GRHL2: variants seen among roughly 807,000 people sequenced by gnomAD.
GRHL2 encodes the protein grainyhead-like protein 2 homolog.
GRHL2 carries 21 observed loss-of-function variants against 83.8 expected under a neutral mutation model. The ratio of observed to expected loss-of-function variants is 0.25; its 90% CI spans 0.18 to 0.36. GRHL2 has a LOEUF of 0.36. Among genes scored for constraint, GRHL2 ranks in the 10% least tolerant of loss-of-function variants. The pLI is 1.00. For synonymous variants in GRHL2, 280 were observed against 278.9 expected, an observed-to-expected ratio of 1.00 and a Z score of -0.04; for missense variants, 623 against 781.8, an observed-to-expected ratio of 0.80 and a Z score of 2.42.
In GRHL2 at chr8:101,634,121, C is replaced by T. The variant is rs185955746; in HGVS notation, c.1485+1756C>T. On this transcript the variant is annotated intron_variant, in intron 11 of 15. Transcript: ENST00000646743. ...TTGGTTTCAGCATTTGCCAGGCAGT[C>T]CAATCAGCACCCCCCTGTATATCCT... is the stretch of plus-strand genomic sequence containing the variant. Among the ~76,000 whole-genome samples the T allele has an allele frequency of 7.9e-5, 12 of 152,262 alleles. No individual in the cohort carries two copies. The East Asian group carries it at 2.3e-3, about 29-fold the overall frequency.
chr8:101,674,626 G>A (rs1242933255), downstream of GRHL2, among the ~76,000 whole-genome samples: 2 of 152,072 alleles, frequency 1.3e-5, no homozygotes, highest in African/African-American at 4.8e-5. Context: ...TTCTACCAGA[G>A]GTAAAAGGAG....
At chr8:101,653,737 CA>C (rs35741171) in intron 14 of GRHL2, among the ~76,000 whole-genome samples, 2 of 113,742 alleles carry the variant, frequency 1.8e-5, no homozygotes, top group Non-Finnish European at 3.3e-5. Context: ...GACTCTGTCT[CA>C]AAAAAAAAAC....
At chr8:101,652,303 A>C in intron 14 of GRHL2, among the ~76,000 whole-genome samples, 1 of 145,504 alleles carries the variant, frequency 6.9e-6, no homozygotes, top group East Asian at 2.0e-4. Context: ...ACAAATGTAT[A>C]TTGGTAGTGT....
At chr8:101,568,613 C>G (rs1054919215) in intron 4 of GRHL2, among the ~76,000 whole-genome samples, 5 of 151,380 alleles carry the variant, frequency 3.3e-5, no homozygotes, top group African/African-American at 1.2e-4. Flanking sequence ...TGAATTTATT[C>G]CATCCCCTCA....
At chr8:101,549,030 A>G (rs1268495468) in intron 2 of GRHL2, among the ~76,000 whole-genome samples, 1 of 152,198 alleles carries the variant, frequency 6.6e-6, no homozygotes, top group Non-Finnish European at 1.5e-5. Flanking sequence ...CATTGAGGAC[A>G]TAACCATGTA....
chr8:101,496,496 A>G (rs1342611468), intron 1 of GRHL2, among the ~76,000 whole-genome samples: 1 of 152,138 alleles, frequency 6.6e-6, no homozygotes, highest in Non-Finnish European at 1.5e-5. Flanking sequence ...CTTGAATGCC[A>G]CTATATACTT....
intron 1 of GRHL2, among the ~76,000 whole-genome samples, chr8:101,517,972 A>C (rs1445437742): frequency 6.6e-6 from 1 of 152,128 alleles, no homozygotes. Flanking sequence ...CCACTACATC[A>C]CATGGCCAGC....
intron 14 of GRHL2, among the ~76,000 whole-genome samples, chr8:101,655,799 A>C (rs1225509972): frequency 6.6e-6 from 1 of 152,222 alleles, no homozygotes; most frequent in African/African-American, 2.4e-5. Flanking sequence ...AAGACAAGGA[A>C]TTTGGTGGTG....
rs904935636 is a variant in GRHL2 at position 101,668,505 on chromosome 8, CG to C, written c.*1806del. The C allele has an allele frequency of 6.5e-6, 1 of 152,806 alleles. No individual in the cohort carries two copies. Among genetic ancestry groups the C allele is most frequent in the African/African-American group, 2.4e-5 (1 of 41,436 alleles). 9.5% of individuals were successfully genotyped at this position (152,806 alleles called of 1,614,324 possible). A position where few individuals can be genotyped will look rare whatever the true frequency, so the allele number is the denominator to read the frequency against. ...CAAGAAGATCTCCGAGCAGCAGTGA[CG>C]GGGCACCTTGCTGTGTGTCCTCTGG... On this transcript the variant is annotated 3_prime_UTR_variant, in exon 16 of 16. Transcript: ENST00000646743.
intron 1 of GRHL2, among the ~76,000 whole-genome samples, chr8:101,542,520 T>G (rs1192257308): frequency 2.0e-5 from 3 of 148,858 alleles, no homozygotes; most frequent in African/African-American, 7.5e-5. Flanking sequence ...ACCATTGCAC[T>G]CCAGCCTGGA....
intron 6 of GRHL2, among the ~76,000 whole-genome samples, chr8:101,574,577 C>T (rs906744319): frequency 6.6e-6 from 1 of 152,238 alleles, no homozygotes; most frequent in African/African-American, 2.4e-5. Context: ...TCACAGCTCC[C>T]TCCTCCTACC....
downstream of GRHL2, among the ~76,000 whole-genome samples, chr8:101,672,233 G>T (rs997656078): frequency 6.6e-6 from 1 of 151,686 alleles, no homozygotes; most frequent in Non-Finnish European, 1.5e-5. Context: ...AGAGAAGAAG[G>T]CTTCAGACGA....
chr8:101,671,444 G>T (rs1814206960), downstream of GRHL2, among the ~76,000 whole-genome samples: 1 of 152,152 alleles, frequency 6.6e-6, no homozygotes, highest in Admixed American at 6.5e-5. Flanking sequence ...AAACTGCAAG[G>T]CGGCAGCGAT....
chr8:101,635,215 G>A (rs996688528), intron 11 of GRHL2, among the ~76,000 whole-genome samples: 1 of 152,128 alleles, frequency 6.6e-6, no homozygotes, highest in African/African-American at 2.4e-5. Context: ...AATTCCCCAA[G>A]TAAGTTCCAG....
intron 1 of GRHL2, among the ~76,000 whole-genome samples, chr8:101,523,093 C>T (rs567432584): frequency 5.1e-4 from 77 of 151,386 alleles, no homozygotes; most frequent in African/African-American, 1.7e-3. Context: ...TTTTATTTTT[C>T]GTAAAGATGG....
Position 101,633,770 on chromosome 8 carries a change from C to T in GRHL2, c.1485+1405C>T, listed in dbSNP as rs114461775. ...CCAAGACCATGGTGATGATTTGTGT[C>T]TGCACTGTCTGTGCCCCATGGGATT... On this transcript the variant is annotated intron_variant, in intron 11 of 15. Coordinates refer to ENST00000646743, the MANE Select transcript of GRHL2 (RefSeq NM_024915.4). Among the ~76,000 whole-genome samples the T allele has an allele frequency of 4.2e-3, 640 of 152,166 alleles. 5 individuals are homozygous for T. The highest frequency in any genetic ancestry group is 0.014 in the African/African-American group (596 of 41,520).
At chr8:101,559,016 A>T (rs1811548340) in intron 4 of GRHL2, among the ~76,000 whole-genome samples, 1 of 152,084 alleles carries the variant, frequency 6.6e-6, no homozygotes, top group African/African-American at 2.4e-5. Context: ...TGTATGGAGG[A>T]ATATTTCTAT....
intron 1 of GRHL2, among the ~76,000 whole-genome samples, chr8:101,539,631 T>G (rs772910807): frequency 9.9e-5 from 15 of 152,214 alleles, no homozygotes; most frequent in Non-Finnish European, 1.6e-4. Flanking sequence ...TATTTTATCA[T>G]TAGATTAAAT....
At chr8:101,561,085 T>C (rs1461934093) in intron 4 of GRHL2, among the ~76,000 whole-genome samples, 13 of 152,094 alleles carry the variant, frequency 8.5e-5, no homozygotes, top group Non-Finnish European at 1.9e-4. Flanking sequence ...TTTTTGTTTG[T>C]TTTTTGTTTT....
Sources: gnomAD v4.1 joint callset for allele counts (sites outside exome capture counted in the v4.1 genomes callset) on GRCh38, gnomAD v4.1.1 for gene constraint, MANE v1.5 for transcripts, NCBI Gene and HGNC (gene_info 2026-07-23, HGNC 2026-07-21) for gene names.